Variants in OPRM1 observed in about 807,000 individuals in gnomAD.
The protein encoded by OPRM1 is mu-type opioid receptor.
OPRM1 carries 27 observed loss-of-function variants against 31.8 expected under a neutral mutation model. That is an observed-to-expected ratio of 0.85 (90% confidence interval 0.63 to 1.17). The LOEUF (loss-of-function observed/expected upper bound fraction) is 1.17, where lower values mean the gene tolerates loss of function less well. Ranked by LOEUF, OPRM1 falls within the 50% of genes most tolerant of loss-of-function variation. The pLI, the probability that OPRM1 is intolerant of heterozygous loss-of-function variation, is 0.00. For missense variants in OPRM1, 536 were observed against 511.1 expected (o/e 1.05, Z -0.47); for synonymous variants, 196 against 189.9 (o/e 1.03, Z -0.26).
chr6:154,140,332 A>AT (rs11313350), intron 3 of OPRM1, among the ~76,000 whole-genome samples: 2,613 of 130,128 alleles, frequency 0.02, 26 homozygotes, highest in African/African-American at 0.027. Flanking sequence ...ATGTTATTTT[A>AT]TTTTTTTTTT....
At chr6:154,085,940 T>A (rs1375819312) in intron 1 of OPRM1, among the ~76,000 whole-genome samples, 1 of 147,656 alleles carries the variant, frequency 6.8e-6, no homozygotes, top group East Asian at 2.0e-4. Context: ...CAGGCTGGAA[T>A]GCAGTGGTAC....
intron 1 of OPRM1, among the ~76,000 whole-genome samples, chr6:154,068,363 A>G (rs1213071597): frequency 6.6e-6 from 1 of 151,826 alleles, no homozygotes; most frequent in African/African-American, 2.4e-5. Flanking sequence ...TATAACCTCA[A>G]CCCCAATTCA....
chr6:154,067,118 C>T (rs2128446185), intron 1 of OPRM1, among the ~76,000 whole-genome samples: 1 of 151,784 alleles, frequency 6.6e-6, no homozygotes, highest in Non-Finnish European at 1.5e-5. Flanking sequence ...TTTTGGAAAA[C>T]CAATTTTTGT....
chr6:154,219,371 C>T (rs369888313), intron 3 of OPRM1, among the ~76,000 whole-genome samples: 1 of 152,054 alleles, frequency 6.6e-6, no homozygotes, highest in African/African-American at 2.4e-5. Flanking sequence ...GTGGGAAGGA[C>T]GGGCCAAGGA....
intron 1 of OPRM1, among the ~76,000 whole-genome samples, chr6:154,056,606 C>T (rs476685): frequency 0.053 from 8,093 of 151,528 alleles, 346 homozygotes; most frequent in Admixed American, 0.15. Context: ...TGGAATCTTA[C>T]GGTGCCCTTG....
intron 3 of OPRM1, among the ~76,000 whole-genome samples, chr6:154,109,438 G>C (rs1382405625): frequency 6.6e-6 from 1 of 152,204 alleles, no homozygotes; most frequent in East Asian, 1.9e-4. Context: ...AATTTTCTAA[G>C]CTGTGAGTTA....
At chr6:154,082,744 A>C (rs1034771580) in intron 1 of OPRM1, among the ~76,000 whole-genome samples, 9 of 152,228 alleles carry the variant, frequency 5.9e-5, no homozygotes. Context: ...GGTTCTTAGA[A>C]TAAAAGCAAA....
At chr6:154,080,711 G>C (rs539043552) in intron 1 of OPRM1, among the ~76,000 whole-genome samples, 2 of 152,134 alleles carry the variant, frequency 1.3e-5, no homozygotes, top group South Asian at 4.2e-4. Flanking sequence ...CTGGTGACCC[G>C]TACGTGAGTG....
Position 154,149,405 on chromosome 6 carries a change from A to G in OPRM1, c.1164+57933A>G, listed in dbSNP as rs984438697. On this transcript the variant is annotated intron_variant, in intron 3 of 3. Coordinates refer to the OPRM1 transcript ENST00000337049. ...CTCCATCCCTCCCATGACACGTGGG[A>G]TTATGGGAACTACAATTCAAGATGA... Among the ~76,000 whole-genome samples the G allele has an allele frequency of 2.0e-5, 3 of 152,054 alleles. 1 individual carries two copies. The highest frequency in any genetic ancestry group is 7.2e-5 in the African/African-American group (3 of 41,392).
chr6:154,010,539 C>T (rs1320176621), exon 1 of OPRM1: 1 of 1,546,926 alleles, frequency 6.5e-7, no homozygotes, highest in East Asian at 2.5e-5. Context: ...CCATCAGCAC[C>T]AAAGCTGGGA....
At chr6:154,098,759 C>A (rs1346247997) in intron 3 of OPRM1, among the ~76,000 whole-genome samples, 1 of 152,076 alleles carries the variant, frequency 6.6e-6, no homozygotes, top group Admixed American at 6.5e-5. Context: ...ACAAAAATGG[C>A]AAAATTAATT....
chr6:154,160,854 A>T (rs1798953079), intron 3 of OPRM1, among the ~76,000 whole-genome samples: 1 of 152,204 alleles, frequency 6.6e-6, no homozygotes, highest in Non-Finnish European at 1.5e-5. Context: ...ATCACGTTTG[A>T]TCTGCTGCCA....
intron 1 of OPRM1, among the ~76,000 whole-genome samples, chr6:154,070,585 CATT>C (rs1240254864): frequency 6.6e-6 from 1 of 152,142 alleles, no homozygotes; most frequent in Non-Finnish European, 1.5e-5. Flanking sequence ...TATCTATCTC[CATT>C]ATTATTTAAT....
chr6:154,071,847 T>C (rs551128614), intron 1 of OPRM1, among the ~76,000 whole-genome samples: 8 of 152,148 alleles, frequency 5.3e-5, no homozygotes, highest in Non-Finnish European at 1.0e-4. Context: ...TTTTTATGGT[T>C]GTGGGTGATT....
chr6:154,180,160 G>A (rs1363418972), intron 3 of OPRM1, among the ~76,000 whole-genome samples: 3 of 152,060 alleles, frequency 2.0e-5, no homozygotes, highest in Admixed American at 6.6e-5. Flanking sequence ...TTTGCTCAAA[G>A]GAGTATGTCC....
chr6:154,161,326 T>G (rs1419762129), intron 3 of OPRM1, among the ~76,000 whole-genome samples: 3 of 151,746 alleles, frequency 2.0e-5, no homozygotes, highest in African/African-American at 7.3e-5. Context: ...TTCTCCTGCA[T>G]CAACCTCCCA....
chr6:154,091,151 C>CA lies in OPRM1; in HGVS notation c.844dup (p.Arg282LysfsTer24). 2 of 1,614,172 alleles carry CA rather than the reference C, an allele frequency of 1.2e-6. No homozygotes were observed. The highest frequency in any genetic ancestry group is 1.7e-6 in the Non-Finnish European group (2 of 1,180,036). Reference sequence around the variant, plus strand: ...AGGACAGGAATCTTCGAAGGATCACCAGGATGGTGCTGGTGGTGGTGGCTG... The same window carrying CA: ...AGGACAGGAATCTTCGAAGGATCACCAAGGATGGTGCTGGTGGTGGTGGCTG... On this transcript the variant is annotated frameshift_variant, in exon 3 of 4. Coordinates refer to ENST00000330432, the MANE Select transcript of OPRM1 (RefSeq NM_000914.5). LOFTEE classifies it high-confidence loss of function.
rs373741336 is a variant in OPRM1 at position 154,089,828 on chromosome 6, A to G, written c.293A>G (p.Tyr98Cys). 49 of 1,607,938 alleles carry G rather than the reference A, an allele frequency of 3.0e-5. No individual in the cohort carries two copies. Among genetic ancestry groups the G allele is most frequent in the Non-Finnish European group, 3.9e-5 (46 of 1,175,676 alleles). The stretch of plus-strand genomic sequence containing the variant: ...ACTCTTCTTCCTTTATCTCCTAGAT[A>G]CACCAAGATGAAGACTGCCACCAAC... ...NFLVMYVIVR[Y>C]TKMKTATNIY... Residue 98 changes from tyrosine to cysteine, a missense_variant and splice_region_variant, in exon 2 of 4, where the codon TAC becomes TGC. By Grantham distance (194) the Tyr-to-Cys change is radical. Coordinates refer to ENST00000330432, the MANE Select transcript of OPRM1 (RefSeq NM_000914.5).
In OPRM1 at chr6:154,129,276, A is replaced by G. The variant is rs1464224727; in HGVS notation, c.*10555A>G. 6.6e-6 allele frequency among the ~76,000 whole-genome samples: 1 copy of G among 152,260 alleles called. No individual in the cohort carries two copies. Among genetic ancestry groups the G allele is most frequent in the Non-Finnish European group, 1.5e-5 (1 of 68,040 alleles). ...ACAGGACAGGGAGTTCTTCTATACA[A>G]TAGAGAACAGAACAATGTTCTTCTA... On this transcript the variant is annotated 3_prime_UTR_variant, in exon 4 of 4. Transcript: ENST00000330432.
Sources: allele counts gnomAD v4.1 joint callset (sites outside exome capture counted in the v4.1 genomes callset), GRCh38; gene constraint gnomAD v4.1.1; transcripts MANE v1.5; gene names NCBI Gene and HGNC (gene_info 2026-07-23, HGNC 2026-07-21).